The following EHMT1 variants were observed in gnomAD, a reference collection of about 807,000 sequenced individuals.
The protein encoded by EHMT1 is euchromatic histone lysine methyltransferase 1.
A neutral mutation model predicts 147.2 loss-of-function variants in EHMT1; 15 were observed. That is an observed-to-expected ratio of 0.10 (90% CI 0.07 to 0.16). The LOEUF is 0.16. Among genes scored for constraint, EHMT1 ranks in the 10% least tolerant of loss-of-function variants. EHMT1 has a pLI of 1.00. For synonymous variants in EHMT1, 795 were observed against 709.6 expected, an observed-to-expected ratio of 1.12 and a Z score of -1.91; for missense variants, 1,587 against 1,772.4, an observed-to-expected ratio of 0.90 and a Z score of 1.88.
At chr9:137,722,711 C>A (rs1015814970) in intron 3 of EHMT1, among the ~76,000 whole-genome samples, 11 of 148,930 alleles carry the variant, frequency 7.4e-5, no homozygotes, top group Middle Eastern at 3.8e-3. Context: ...TCTGTGTGGG[C>A]CCCACAGAGG....
chr9:137,705,336 C>A (rs1944177101), intron 1 of EHMT1, among the ~76,000 whole-genome samples: 1 of 152,182 alleles, frequency 6.6e-6, no homozygotes. Context: ...CATGAAATCT[C>A]CTGAGTGTTC....
chr9:137,763,891 T>TC (rs770349084), intron 10 of EHMT1: 7 of 152,340 alleles, frequency 4.6e-5, no homozygotes, highest in African/African-American at 7.2e-5. Context: ...GACCGCTGTG[T>TC]CGGGGAGCAT....
At chr9:137,757,774 T>C in intron 8 of EHMT1, 106 bp from the exon 9 acceptor site, 1 of 1,541,476 alleles carries the variant, frequency 6.5e-7, no homozygotes, top group Non-Finnish European at 8.9e-7. Flanking sequence ...ATGGATTAAT[T>C]AGAAGTAGTC....
intron 4 of EHMT1, among the ~76,000 whole-genome samples, chr9:137,733,002 G>A (rs577847565): frequency 5.3e-5 from 8 of 152,158 alleles, no homozygotes; most frequent in African/African-American, 7.2e-5. Flanking sequence ...TGGTTTCAAC[G>A]TGCATTGTAC....
At chr9:137,646,832 C>G (rs887286403) in intron 1 of EHMT1, among the ~76,000 whole-genome samples, 1 of 152,186 alleles carries the variant, frequency 6.6e-6, no homozygotes, top group African/African-American at 2.4e-5. Context: ...CCTTACCTTT[C>G]TGTACCTTAA....
intron 1 of EHMT1, among the ~76,000 whole-genome samples, chr9:137,626,014 C>T (rs1409578055): frequency 1.3e-5 from 2 of 150,092 alleles, no homozygotes; most frequent in African/African-American, 4.9e-5. Flanking sequence ...CACCACCAAG[C>T]CTGGCTAATT....
At chr9:137,633,351 T>C (rs1843749299) in intron 1 of EHMT1, among the ~76,000 whole-genome samples, 3 of 152,066 alleles carry the variant, frequency 2.0e-5, no homozygotes, top group South Asian at 2.1e-4. Flanking sequence ...ATCTACTGAT[T>C]AGAAGAACAG....
At chr9:137,710,462 A>C (rs968066692) in intron 1 of EHMT1, among the ~76,000 whole-genome samples, 7 of 152,126 alleles carry the variant, frequency 4.6e-5, no homozygotes, top group African/African-American at 1.7e-4. Flanking sequence ...GAGAGAGTGA[A>C]CTCTGTCTCA....
At chr9:137,830,630 T>G (rs1564838937) in intron 25 of EHMT1, among the ~76,000 whole-genome samples, 1 of 149,404 alleles carries the variant, frequency 6.7e-6, no homozygotes, top group African/African-American at 2.6e-5. Context: ...CATCTGCGCT[T>G]CTTTGCAGCG....
At chr9:137,673,950 G>A (rs115164536) in intron 1 of EHMT1, among the ~76,000 whole-genome samples, 2,153 of 152,288 alleles carry the variant, frequency 0.014, 38 homozygotes, top group South Asian at 0.038. Context: ...TGGAGCCTGG[G>A]GGCTGAGGCC....
intron 1 of EHMT1, among the ~76,000 whole-genome samples, chr9:137,622,184 T>C (rs1842980143): frequency 6.8e-6 from 1 of 146,556 alleles, no homozygotes; most frequent in Non-Finnish European, 1.5e-5. Context: ...AGTGGCCCGA[T>C]CTTGGCTCAC....
chr9:137,732,182 G>A lies in EHMT1; in HGVS notation c.823+3653G>A, dbSNP rs1322410069. Among the ~76,000 whole-genome samples, 1 of 152,248 alleles carries A rather than the reference G, an allele frequency of 6.6e-6. No homozygotes were observed. The highest frequency in any genetic ancestry group is 2.4e-5 in the African/African-American group (1 of 41,470). ...CGGGGCAGCCGCCGACACCAGCGGA[G>A]GGCAGGAGGGCTACAGTGTTACAGC... On this transcript the variant is annotated intron_variant, in intron 4 of 26. Coordinates refer to ENST00000460843, the MANE Select transcript of EHMT1 (RefSeq NM_024757.5). This position sits in a 1 kb window ranked among gnomAD's most constrained non-coding sequence, Gnocchi z 4.6.
chr9:137,747,752 T>C (rs1474488479), intron 6 of EHMT1: 1 of 152,232 alleles, frequency 6.6e-6, no homozygotes, highest in Non-Finnish European at 1.5e-5. Flanking sequence ...CGTACCTGTG[T>C]GGCCACCACC....
intron 3 of EHMT1, among the ~76,000 whole-genome samples, chr9:137,720,779 G>T (rs1381370854): frequency 2.6e-5 from 4 of 152,058 alleles, no homozygotes; most frequent in African/African-American, 9.7e-5. Flanking sequence ...GCACTCACCC[G>T]CTGAAGGACA....
rs562640422 is a variant in EHMT1, at chr9:137,834,869, C to T, written c.3813C>T (p.Ala1271=). The change falls in exon 27 of 27, where the codon GCC becomes GCT. Residue 1271 remains alanine, a synonymous_variant. Coordinates refer to ENST00000460843, the MANE Select transcript of EHMT1 (RefSeq NM_024757.5). The part of the protein sequence containing the change: ...PKCRHSSAAL[A]QRQASAAQEA... ...GCCGGCACTCGAGCGCGGCCCTGGC[C>T]CAGCGTCAGGCCAGCGCGGCCCAGG... The T allele has an allele frequency of 6.2e-7, 1 of 1,611,082 alleles. No homozygotes were observed. Among genetic ancestry groups the T allele is most frequent in the Admixed American group, 1.7e-5 (1 of 59,926 alleles).
intron 1 of EHMT1, among the ~76,000 whole-genome samples, chr9:137,659,529 G>A (rs1347292421): frequency 6.6e-6 from 1 of 151,562 alleles, no homozygotes; most frequent in East Asian, 1.9e-4. Flanking sequence ...GAAAGTGTGT[G>A]CCGCCATGCC....
chr9:137,754,466 C>T (rs1343036194), intron 8 of EHMT1, among the ~76,000 whole-genome samples, 175 bp downstream of exon 8: 1 of 152,090 alleles, frequency 6.6e-6, no homozygotes, highest in Non-Finnish European at 1.5e-5. Context: ...AAAGTAGTTT[C>T]CTTCTGGCCA....
rs991514949 is a variant in EHMT1, at chr9:137,699,168, T to A, written c.22-11799T>A. 1.4e-4 allele frequency among the ~76,000 whole-genome samples: 22 copies of A among 152,338 alleles called. 1 individual carries two copies. The highest frequency in any genetic ancestry group is 1.0e-3 in the Admixed American group (16 of 15,304). On this transcript the variant is annotated intron_variant, in intron 1 of 26. Transcript: ENST00000460843. ...CTCTGGAAAGGTGATGCTGAGCTCT[T>A]CACAAAAGTTTAATAATTTATACTG...
At chr9:137,751,828 G>A (rs1429852305) in intron 6 of EHMT1, among the ~76,000 whole-genome samples, 4 of 152,202 alleles carry the variant, frequency 2.6e-5, no homozygotes, top group African/African-American at 4.8e-5. Flanking sequence ...GGAAGGAGGC[G>A]TGGGCAACTT....
Sources: gnomAD v4.1 joint callset for allele counts (sites outside exome capture counted in the v4.1 genomes callset) on GRCh38, gnomAD v4.1.1 for gene constraint, Gnocchi (gnomAD v3.1) non-coding constraint, MANE v1.5 for transcripts, NCBI Gene and HGNC (gene_info 2026-07-23, HGNC 2026-07-21) for gene names.